Variants in NADSYN1 observed in about 807,000 individuals in gnomAD.
The protein encoded by NADSYN1 is glutamine-dependent NAD(+) synthetase.
NADSYN1 carries 80 observed loss-of-function variants against 99.3 expected under a neutral mutation model. That is an observed-to-expected ratio of 0.81 (90% CI 0.67 to 0.97). NADSYN1 has a LOEUF of 0.97. Among genes scored for constraint, NADSYN1 ranks in the 50% least tolerant of loss-of-function variants. NADSYN1 has a pLI of 0.00. For synonymous variants in NADSYN1, 385 were observed against 372.1 expected (o/e 1.03, Z -0.40); for missense variants, 859 against 948.5 (o/e 0.91, Z 1.24).
intron 9 of NADSYN1, 53 bp from the exon 10 acceptor site, chr11:71,478,342 G>T: frequency 6.9e-7 from 1 of 1,443,446 alleles, no homozygotes; most frequent in East Asian, 2.4e-5. Flanking sequence ...AATTACACGT[G>T]GGAGTTGAAC....
At position 71,487,342 on chromosome 11, in the gene NADSYN1, T is replaced by A. The variant is rs139826708; in HGVS notation, c.1562+1694T>A. ...GCTCTGGTGTAGTTGAGGAGATTGA[T>A]GTTTGCTTTGGCTCTGCATTGCTTT... On this transcript the variant is annotated intron_variant, in intron 16 of 20. Transcript: ENST00000319023. 1.5e-4 allele frequency among the ~76,000 whole-genome samples: 23 copies of A among 152,322 alleles called. No homozygotes were observed. The East Asian group carries it at 4.2e-3, about 28-fold the overall frequency.
intron 2 of NADSYN1, among the ~76,000 whole-genome samples, chr11:71,457,117 G>A (rs1369679611): frequency 6.6e-6 from 1 of 152,254 alleles, no homozygotes; most frequent in African/African-American, 2.4e-5. Context: ...GCCATGCAGC[G>A]GGACGTGTGG....
chr11:71,481,282 C>A, intron 11 of NADSYN1, 74 bp from the exon 12 acceptor site: 1 of 1,509,604 alleles, frequency 6.6e-7, no homozygotes, highest in Non-Finnish European at 9.2e-7. Context: ...CTCCTGGGGC[C>A]TGCTTGGGTG....
chr11:71,493,985 A>T (rs1404362858), intron 18 of NADSYN1, among the ~76,000 whole-genome samples: 1 of 152,228 alleles, frequency 6.6e-6, no homozygotes, highest in Admixed American at 6.5e-5. Context: ...AATACAAACA[A>T]CAAAACAAAC....
chr11:71,487,844 A>AAAAG (rs1949752636), intron 16 of NADSYN1, among the ~76,000 whole-genome samples: 2 of 151,438 alleles, frequency 1.3e-5, no homozygotes, highest in African/African-American at 2.4e-5. Flanking sequence ...AAAAAAAAAA[A>AAAAG]AAAAAAGAAA....
At chr11:71,469,927 G>GAAAAAAAAAAAAAAAAAAAA (rs749801544) in intron 5 of NADSYN1, among the ~76,000 whole-genome samples, 1 of 109,168 alleles carries the variant, frequency 9.2e-6, no homozygotes, top group African/African-American at 3.8e-5. Context: ...GCCTGTCTCA[G>GAAAAAAAAAAAAAAAAAAAA]AAAAAAAAAA....
At chr11:71,495,660 G>T (rs896736150) in intron 18 of NADSYN1, among the ~76,000 whole-genome samples, 3 of 152,226 alleles carry the variant, frequency 2.0e-5, no homozygotes, top group African/African-American at 4.8e-5. Flanking sequence ...GGAATTAAAT[G>T]TTACACTGGA....
chr11:71,462,424 G>A (rs1264274794), intron 3 of NADSYN1, among the ~76,000 whole-genome samples: 4 of 152,102 alleles, frequency 2.6e-5, no homozygotes, highest in Non-Finnish European at 4.4e-5. Flanking sequence ...CTGGAAGCCC[G>A]TCCCTGGCCC....
At position 71,459,810 on chromosome 11, in the gene NADSYN1, T is replaced by C. The variant is rs564796785; in HGVS notation, c.263+1266T>C. 10 of 152,452 alleles carry C rather than the reference T, an allele frequency of 6.6e-5. No homozygotes were observed. The East Asian group carries it at 1.9e-3, about 29-fold the overall frequency. 9.4% of individuals were successfully genotyped at this position (152,452 alleles called of 1,614,324 possible). A position where few individuals can be genotyped will look rare whatever the true frequency, so the allele number is the denominator to read the frequency against. ...ACTGGGGCCTCTTCTAAGCAGCACA[T>C]GGATGGGAATTTTAGTGCCCTGTTC... On this transcript the variant is annotated intron_variant, in intron 3 of 20. Coordinates refer to ENST00000319023, the MANE Select transcript of NADSYN1 (RefSeq NM_018161.5).
At chr11:71,484,487 G>T (rs1949729225) in intron 15 of NADSYN1, 40 bp downstream of exon 15, 1 of 1,588,428 alleles carries the variant, frequency 6.3e-7, no homozygotes, top group South Asian at 1.1e-5. Context: ...GGGTGGGGGT[G>T]CAGGGAGCAC....
In NADSYN1 at chr11:71,473,344, G is replaced by C; in HGVS notation, c.526G>C (p.Glu176Gln). Residue 176 changes from glutamate (E) to glutamine (Q), a missense_variant, in exon 7 of 21, where the codon GAG becomes CAG. Physicochemically the swap from Glu to Gln is conservative, Grantham distance 29. Coordinates refer to ENST00000319023, the MANE Select transcript of NADSYN1 (RefSeq NM_018161.5). ...CACCTGCATTGGAAGTGAGATCTGT[G>C]AGGAGCTCTGGACACCCCACAGGTC... Reference protein sequence around the residue: ...WDTCIGSEICEELWTPHSPHI... With the variant: ...WDTCIGSEICQELWTPHSPHI... 3 of 1,614,192 alleles carry C rather than the reference G, an allele frequency of 1.9e-6. No individual in the cohort carries two copies. The highest frequency in any genetic ancestry group is 2.5e-6 in the Non-Finnish European group (3 of 1,180,036).
chr11:71,490,402 C>T (rs887857295), intron 16 of NADSYN1, among the ~76,000 whole-genome samples: 3 of 152,216 alleles, frequency 2.0e-5, no homozygotes, highest in Admixed American at 6.5e-5. Flanking sequence ...GACAGAGTCA[C>T]AGGTTCTGGG....
rs185578347 is a variant in NADSYN1 at position 71,481,722 on chromosome 11, G to A, written c.1048-201G>A. ...GTGGAGTCAGCCTCTGACACGCCCC[G>A]CAGTGAAGTGTCTTTTTTCCCTCTG... On this transcript the variant is annotated intron_variant, in intron 12 of 20. Coordinates refer to ENST00000319023, the MANE Select transcript of NADSYN1 (RefSeq NM_018161.5). 9.7e-4 allele frequency: 590 copies of A among 605,636 alleles called. 3 individuals are homozygous for A. The highest frequency in any genetic ancestry group is 2.6e-4 in the Non-Finnish European group (90 of 341,040). The allele number at this position is 605,636 out of a possible 1,614,324, so 37.5% of individuals were successfully genotyped here. A position where few individuals can be genotyped will look rare whatever the true frequency, so the allele number is the denominator to read the frequency against.
At chr11:71,483,147 A>G in intron 14 of NADSYN1, 130 bp downstream of exon 14, 1 of 1,132,058 alleles carries the variant, frequency 8.8e-7, no homozygotes, top group East Asian at 2.4e-5. Flanking sequence ...TATGTGGATA[A>G]ACGTGTAAGT....
chr11:71,464,123 A>G lies in NADSYN1; in HGVS notation c.388A>G (p.Thr130Ala). ...CAACTACCGCGAGCTGCGCTGGTTC[A>G]CCCCGTGGTCGAGGAGTCGGTGAGT... The part of the protein sequence containing the change: ...EGNYRELRWF[T>A]PWSRSRHTEE... Residue 130 changes from threonine (T) to alanine (A), a missense_variant, in exon 5 of 21, where the codon ACC becomes GCC. Thr to Ala is a moderately conservative substitution (Grantham distance 58). Coordinates refer to ENST00000319023, the MANE Select transcript of NADSYN1 (RefSeq NM_018161.5). 1.2e-6 allele frequency: 2 copies of G among 1,610,812 alleles called. No individual in the cohort carries two copies. Among genetic ancestry groups the G allele is most frequent in the Non-Finnish European group, 1.7e-6 (2 of 1,178,760 alleles).
At chr11:71,463,178 G>A (rs986019647) in intron 3 of NADSYN1, among the ~76,000 whole-genome samples, 2 of 152,212 alleles carry the variant, frequency 1.3e-5, no homozygotes, top group Non-Finnish European at 2.9e-5. Flanking sequence ...CCCTGTGGTG[G>A]AATGAATTTG....
At chr11:71,490,153 T>G (rs1949769231) in intron 16 of NADSYN1, among the ~76,000 whole-genome samples, 1 of 152,134 alleles carries the variant, frequency 6.6e-6, no homozygotes, top group African/African-American at 2.4e-5. Context: ...TTTCCCGCCA[T>G]TTCCAGCCTC....
At chr11:71,458,404 C>G (rs773580950) in intron 2 of NADSYN1, 24 bp from the exon 3 acceptor site, 1 of 1,581,502 alleles carries the variant, frequency 6.3e-7, no homozygotes, top group Admixed American at 1.7e-5. Flanking sequence ...GTTTCTGGAG[C>G]TCACCTTCTC....
At chr11:71,482,073 G>C in intron 13 of NADSYN1, 48 bp downstream of exon 13, 1 of 1,548,692 alleles carries the variant, frequency 6.5e-7, no homozygotes, top group Non-Finnish European at 8.8e-7. Flanking sequence ...TCCAGCCCTT[G>C]GGCTGCCTGA....
Sources: gnomAD v4.1 joint callset for allele counts (sites outside exome capture counted in the v4.1 genomes callset) on GRCh38, gnomAD v4.1.1 for gene constraint, MANE v1.5 for transcripts, NCBI Gene and HGNC (gene_info 2026-07-23, HGNC 2026-07-21) for gene names.